The following DMD variants were observed in gnomAD, a reference collection of about 807,000 sequenced individuals.
DMD encodes dystrophin, also known as mutant dystrophin.
In DMD, 63 loss-of-function variants were observed where a neutral mutation model predicts 330.1. The ratio of observed to expected loss-of-function variants is 0.19; its 90% CI spans 0.16 to 0.24. The LOEUF is 0.24. Among genes scored for constraint, DMD ranks in the 10% least tolerant of loss-of-function variants. The pLI is 1.00. For missense variants in DMD, 3,344 were observed against 2,684.1 expected (o/e 1.25, Z -5.43); for synonymous variants, 1,223 against 959.8 (o/e 1.27, Z -5.07).
At chrX:31,551,723 T>C (rs1044981929) in intron 55 of DMD, among the ~76,000 whole-genome samples, 1 of 112,291 alleles carries the variant, frequency 8.9e-6, no homozygotes, top group Non-Finnish European at 1.9e-5. Flanking sequence ...CACATACATA[T>C]AAAACCATGT....
intron 7 of DMD, among the ~76,000 whole-genome samples, chrX:32,755,294 A>C (rs746731344): frequency 9.9e-6 from 1 of 101,082 alleles, no homozygotes; most frequent in African/African-American, 3.9e-5. Context: ...TCTCTCCTCT[A>C]AAAATATTGT....
At chrX:32,277,755 A>C (rs2097396030) in intron 43 of DMD, among the ~76,000 whole-genome samples, 2 of 111,236 alleles carry the variant, frequency 1.8e-5, no homozygotes, top group Admixed American at 9.6e-5. Context: ...AAATTGAAAA[A>C]TGTCTTCAAA....
At chrX:32,549,963 T>C (rs1460013711) in intron 16 of DMD, among the ~76,000 whole-genome samples, 1 of 112,670 alleles carries the variant, frequency 8.9e-6, no homozygotes, top group Non-Finnish European at 1.9e-5. Flanking sequence ...TAGGAATCAC[T>C]ACAAGTCATG....
intron 44 of DMD, among the ~76,000 whole-genome samples, chrX:32,054,088 T>TGTGA (rs1156434219): frequency 3.2e-4 from 22 of 69,571 alleles, no homozygotes; most frequent in East Asian, 8.8e-4. Context: ...TGTGTGTGTG[T>TGTGA]GAGAGAGAGA....
chrX:32,792,555 A>G (rs752972769), intron 7 of DMD, among the ~76,000 whole-genome samples: 4 of 112,170 alleles, frequency 3.6e-5, no homozygotes, highest in Non-Finnish European at 7.5e-5. Flanking sequence ...TAACCCAAAA[A>G]TATTCTGCCT....
At chrX:31,145,118 C>T (rs150995519) in intron 76 of DMD, among the ~76,000 whole-genome samples, 16 of 112,134 alleles carry the variant, frequency 1.4e-4, no homozygotes, top group Non-Finnish European at 1.9e-5. Flanking sequence ...ATTGTCTTCA[C>T]TTTCCTTAAT....
chrX:32,524,248 G>C (rs2046738619), intron 17 of DMD, among the ~76,000 whole-genome samples: 1 of 111,732 alleles, frequency 8.9e-6, no homozygotes, highest in Admixed American at 9.5e-5. Flanking sequence ...AAGAAATCTT[G>C]TAACACTTTT....
chrX:31,422,043 A>ATAT (rs1556630715), intron 60 of DMD, among the ~76,000 whole-genome samples: 360 of 28,716 alleles, frequency 0.013, 8 homozygotes, highest in African/African-American at 0.015. Context: ...ATATATATAT[A>ATAT]TTTTTTTTTT....
chrX:32,356,932 C>T (rs2097803301), intron 37 of DMD, among the ~76,000 whole-genome samples: 1 of 111,192 alleles, frequency 9.0e-6, no homozygotes, highest in Admixed American at 9.5e-5. Flanking sequence ...CTCTGTCGCC[C>T]AGGCTGGGGT....
intron 50 of DMD, among the ~76,000 whole-genome samples, chrX:31,785,379 T>A (rs2091243225): frequency 8.9e-6 from 1 of 112,245 alleles, no homozygotes; most frequent in Non-Finnish European, 1.9e-5. Flanking sequence ...AATGTATGTA[T>A]AGTTAACACT....
At chrX:33,290,418 G>A (rs1044108776) in intron 1 of DMD, among the ~76,000 whole-genome samples, 1 of 110,846 alleles carries the variant, frequency 9.0e-6, no homozygotes, top group South Asian at 3.8e-4. Flanking sequence ...TCTCATAAGC[G>A]GCTCCTTATT....
chrX:32,583,192 T>C (rs1394055669), intron 13 of DMD, among the ~76,000 whole-genome samples: 1 of 112,105 alleles, frequency 8.9e-6, no homozygotes, highest in Non-Finnish European at 1.9e-5. Flanking sequence ...GCATTTTTTC[T>C]TTTACAATAT....
At chrX:32,766,403 T>C (rs1471562319) in intron 7 of DMD, among the ~76,000 whole-genome samples, 1 of 111,719 alleles carries the variant, frequency 9.0e-6, no homozygotes, top group African/African-American at 3.2e-5. Context: ...GTTGTCAGTG[T>C]ATAAGTCTTC....
chrX:31,362,385 C>T (rs1025214040), intron 60 of DMD, among the ~76,000 whole-genome samples: 6 of 111,995 alleles, frequency 5.4e-5, no homozygotes, highest in African/African-American at 1.3e-4. Flanking sequence ...TTGTGTTTCA[C>T]GCACAAAAGT....
intron 16 of DMD, among the ~76,000 whole-genome samples, chrX:32,546,137 G>A (rs2048946372): frequency 9.8e-6 from 1 of 101,941 alleles, no homozygotes; most frequent in Non-Finnish European, 2.0e-5. Flanking sequence ...GACATGAGAG[G>A]CCATCACCTC....
At chrX:31,885,453 A>G (rs1210260892) in intron 47 of DMD, among the ~76,000 whole-genome samples, 2 of 109,477 alleles carry the variant, frequency 1.8e-5, no homozygotes, top group Non-Finnish European at 3.8e-5. Context: ...TACTAAAAAT[A>G]CAAAAAATTA....
At chrX:32,262,563 G>A (rs1420679222) in intron 43 of DMD, among the ~76,000 whole-genome samples, 1 of 110,884 alleles carries the variant, frequency 9.0e-6, no homozygotes, top group African/African-American at 3.3e-5. Flanking sequence ...CTACCTAAAT[G>A]CATTACTAGG....
chrX:32,079,795 T>A (rs1439185044), intron 44 of DMD, among the ~76,000 whole-genome samples: 1 of 111,983 alleles, frequency 8.9e-6, no homozygotes, highest in Non-Finnish European at 1.9e-5. Context: ...TGTGAGAGAA[T>A]GTAATATCCA....
intron 2 of DMD, among the ~76,000 whole-genome samples, chrX:32,963,031 C>T (rs755713710): frequency 4.8e-4 from 54 of 111,402 alleles, no homozygotes; most frequent in Non-Finnish European, 9.4e-4. Context: ...AGAACATATG[C>T]TAATATATAT....
Sources: allele counts gnomAD v4.1 joint callset (sites outside exome capture counted in the v4.1 genomes callset), GRCh38; gene constraint gnomAD v4.1.1; transcripts MANE v1.5; gene names NCBI Gene and HGNC (gene_info 2026-07-23, HGNC 2026-07-21).